The following NUDT6 variants were observed in gnomAD, a reference collection of about 807,000 sequenced individuals.
NUDT6 encodes FAD diphosphatase NUDT6.
A neutral mutation model predicts 36.8 loss-of-function variants in NUDT6; 24 were observed. That is an observed-to-expected ratio of 0.65 (90% CI 0.47 to 0.92). The LOEUF (loss-of-function observed/expected upper bound fraction) is 0.92. Ranked by LOEUF, NUDT6 falls within the 40% of genes least tolerant of loss-of-function variation. NUDT6 has a pLI of 0.00. For synonymous variants in NUDT6, 163 were observed against 157.0 expected, an observed-to-expected ratio of 1.04 and a Z score of -0.29; for missense variants, 388 against 392.8, an observed-to-expected ratio of 0.99 and a Z score of 0.10.
At chr4:122,899,616 A>G (rs1002016718) in intron 3 of NUDT6, among the ~76,000 whole-genome samples, 2 of 151,940 alleles carry the variant, frequency 1.3e-5, no homozygotes, top group Admixed American at 1.3e-4. Flanking sequence ...TTTTTTCTTT[A>G]TATCAAACAA....
chr4:122,908,080 T>C (rs748445325), intron 3 of NUDT6, among the ~76,000 whole-genome samples: 5 of 151,388 alleles, frequency 3.3e-5, no homozygotes, highest in African/African-American at 1.2e-4. Flanking sequence ...CCCAACTGAA[T>C]GGACCCCCTC....
chr4:122,904,762 A>T (rs1470341005), intron 3 of NUDT6, among the ~76,000 whole-genome samples: 1 of 152,018 alleles, frequency 6.6e-6, no homozygotes, highest in African/African-American at 2.4e-5. Flanking sequence ...CCTCTTCCTC[A>T]CCTACTTTAT....
chr4:122,914,107 G>A (rs1430434067), intron 2 of NUDT6, among the ~76,000 whole-genome samples: 2 of 152,012 alleles, frequency 1.3e-5, no homozygotes, highest in African/African-American at 4.8e-5. Context: ...ATGTGTGTGG[G>A]GAGGCGCCAA....
chr4:122,892,832 T>C lies in NUDT6; in HGVS notation c.947A>G (p.Asp316Gly), dbSNP rs1727224355. 1 of 1,593,648 alleles carries C rather than the reference T, an allele frequency of 6.3e-7. No homozygotes were observed. The highest frequency in any genetic ancestry group is 1.7e-5 in the Admixed American group (1 of 57,944). The change falls in exon 5 of 5, where the codon GAT (aspartate) becomes GGT (glycine). Residue 316 changes from aspartate (D) to glycine (G), a missense_variant. By Grantham distance (94) the Asp-to-Gly change is moderately conservative. Transcript: ENST00000304430. ...PENYKTMKGI[D>G] ...TCTAAACATATAAATGTGAATTTAATCAATTCCTTTCATAGTTTTATAATT... is the reference window on the plus strand; with the variant it reads ...TCTAAACATATAAATGTGAATTTAACCAATTCCTTTCATAGTTTTATAATT...
chr4:122,900,475 G>T (rs375675880), intron 3 of NUDT6, among the ~76,000 whole-genome samples: 2 of 151,596 alleles, frequency 1.3e-5, no homozygotes, highest in East Asian at 3.9e-4. Flanking sequence ...ATTTGTATAA[G>T]AATTATGCAC....
intron 3 of NUDT6, among the ~76,000 whole-genome samples, chr4:122,901,437 A>C (rs1278850609): frequency 6.6e-6 from 1 of 152,208 alleles, no homozygotes; most frequent in Non-Finnish European, 1.5e-5. Flanking sequence ...GCCAATTACA[A>C]GTCTGATGTT....
chr4:122,916,111 C>T (rs926374063), intron 2 of NUDT6, among the ~76,000 whole-genome samples: 6 of 152,096 alleles, frequency 3.9e-5, no homozygotes, highest in Admixed American at 3.9e-4. Context: ...ACTGAGACCA[C>T]CACCAGCAGC....
In NUDT6 at chr4:122,892,998, T is replaced by C; in HGVS notation, c.781A>G (p.Thr261Ala). The part of the protein sequence containing the change: ...LNDLAKTENT[T>A]PITSRVARLL... ...CTAGCAACTCTGCTGGTGATGGGAG[T>C]TGTATTTTCAGTCTTCGCCAGGTCA... The change falls in exon 5 of 5, where the codon ACT (threonine) becomes GCT (alanine). Residue 261 changes from threonine to alanine, a missense_variant. Coordinates refer to ENST00000304430, the MANE Select transcript of NUDT6 (RefSeq NM_007083.5). 6.2e-7 allele frequency: 1 copy of C among 1,614,114 alleles called. No homozygotes were observed. The highest frequency in any genetic ancestry group is 8.5e-7 in the Non-Finnish European group (1 of 1,180,028).
chr4:122,922,299 G>T, intron 1 of NUDT6, 36 bp downstream of exon 1: 1 of 1,554,398 alleles, frequency 6.4e-7, no homozygotes, highest in Non-Finnish European at 8.7e-7. Flanking sequence ...GAAAAGCTCT[G>T]GAGCCCCGGG....
At chr4:122,899,086 C>T (rs929132473) in intron 3 of NUDT6, among the ~76,000 whole-genome samples, 1 of 108,424 alleles carries the variant, frequency 9.2e-6, no homozygotes, top group Non-Finnish European at 2.0e-5. Context: ...CCGTGTTGCC[C>T]AGGCTGGTCT....
chr4:122,919,984 T>C (rs1407614757), intron 1 of NUDT6: 1 of 152,250 alleles, frequency 6.6e-6, no homozygotes, highest in Non-Finnish European at 1.5e-5. Flanking sequence ...ACCAGTGCTA[T>C]TTCATTACTG....
chr4:122,895,215 T>C (rs952095262), intron 4 of NUDT6: 1 of 152,234 alleles, frequency 6.6e-6, no homozygotes, highest in Admixed American at 6.5e-5. Flanking sequence ...TGCTTTATTC[T>C]GTTGTATTTT....
intron 2 of NUDT6, among the ~76,000 whole-genome samples, 189 bp from the exon 3 acceptor site, chr4:122,912,812 A>G (rs1727757139): frequency 6.6e-6 from 1 of 152,030 alleles, no homozygotes; most frequent in South Asian, 2.1e-4. Flanking sequence ...ATTTTGGAAT[A>G]TTTTCATATA....
At chr4:122,913,199 T>C (rs978270604) in intron 2 of NUDT6, 1 of 152,954 alleles carries the variant, frequency 6.5e-6, no homozygotes, top group Non-Finnish European at 1.5e-5. Flanking sequence ...AACAAACTTA[T>C]TTCTCACAGT....
At chr4:122,904,284 A>G (rs369917666) in intron 3 of NUDT6, among the ~76,000 whole-genome samples, 1 of 152,266 alleles carries the variant, frequency 6.6e-6, no homozygotes, top group East Asian at 1.9e-4. Context: ...ATCCCCTTTT[A>G]TTAAGATGAT....
At chr4:122,907,597 C>A (rs1727645551) in intron 3 of NUDT6, among the ~76,000 whole-genome samples, 1 of 151,710 alleles carries the variant, frequency 6.6e-6, no homozygotes, top group Admixed American at 6.6e-5. Context: ...ACTACAGGCG[C>A]CCACCACCAC....
chr4:122,892,631 C>A lies in NUDT6; in HGVS notation c.*197G>T. The A allele has an allele frequency of 7.0e-7, 1 of 1,424,912 alleles. No homozygotes were observed. Among genetic ancestry groups the A allele is most frequent in the Non-Finnish European group, 9.2e-7 (1 of 1,091,452 alleles). 88.3% of individuals were successfully genotyped at this position (1,424,912 alleles called of 1,614,324 possible). A position where few individuals can be genotyped will look rare whatever the true frequency, so the allele number is the denominator to read the frequency against. ...ATCTGCTGTTACCCAGTGAAGCTTA[C>A]CTAGAGCAATGATCTTTTTCACGCA... On this transcript the variant is annotated 3_prime_UTR_variant, in exon 5 of 5. Coordinates refer to ENST00000304430, the MANE Select transcript of NUDT6 (RefSeq NM_007083.5).
intron 2 of NUDT6, among the ~76,000 whole-genome samples, chr4:122,913,746 T>C (rs570470377): frequency 6.6e-6 from 1 of 152,090 alleles, no homozygotes; most frequent in Non-Finnish European, 1.5e-5. Flanking sequence ...TGTTTATTCA[T>C]TCATCATACA....
rs547332533 is a variant in NUDT6 at position 122,914,559 on chromosome 4, G to A, written c.443-1936C>T. 2.9e-4 allele frequency among the ~76,000 whole-genome samples: 44 copies of A among 152,216 alleles called. No homozygotes were observed. The South Asian group carries it at 6.2e-3, about 22-fold the overall frequency. Reference sequence around the variant, plus strand: ...TTATGATTAGGCACTGTGCTTCAACGTACATTAGCTCAGGTATAAGTCACA... The same window carrying A: ...TTATGATTAGGCACTGTGCTTCAACATACATTAGCTCAGGTATAAGTCACA... On this transcript the variant is annotated intron_variant, in intron 2 of 4. Coordinates refer to ENST00000304430, the MANE Select transcript of NUDT6 (RefSeq NM_007083.5).
Sources: allele counts gnomAD v4.1 joint callset (sites outside exome capture counted in the v4.1 genomes callset), GRCh38; gene constraint gnomAD v4.1.1; transcripts MANE v1.5; gene names NCBI Gene and HGNC (gene_info 2026-07-23, HGNC 2026-07-21).